CBLB: variants seen among roughly 807,000 people sequenced by gnomAD.
The protein encoded by CBLB is Cbl proto-oncogene B, also known as E3 ubiquitin-protein ligase CBL-B.
In CBLB, 31 loss-of-function variants were observed where a neutral mutation model predicts 104.9. The observed-to-expected ratio is 0.30, with a 90% CI of 0.22 to 0.40. CBLB has a LOEUF of 0.40. Ranked by LOEUF, CBLB falls within the 10% of genes least tolerant of loss-of-function variation. The pLI, the probability that CBLB is intolerant of heterozygous loss-of-function variation, is 1.00. For synonymous variants in CBLB, 440 were observed against 422.6 expected, an observed-to-expected ratio of 1.04 and a Z score of -0.51; for missense variants, 1,062 against 1,214.6, an observed-to-expected ratio of 0.87 and a Z score of 1.87.
At chr3:105,865,345 G>A (rs1025544263) in intron 2 of CBLB, among the ~76,000 whole-genome samples, 1 of 151,846 alleles carries the variant, frequency 6.6e-6, no homozygotes. Context: ...AAAGCCCCTG[G>A]GTACATTCAC....
chr3:105,711,486 G>A (rs1316738739), intron 10 of CBLB, among the ~76,000 whole-genome samples: 1 of 152,026 alleles, frequency 6.6e-6, no homozygotes, highest in East Asian at 1.9e-4. Flanking sequence ...GAGGGTATAT[G>A]CTACAAAAAT....
At chr3:105,729,461 C>G (rs1055242436) in intron 9 of CBLB, among the ~76,000 whole-genome samples, 8 of 152,064 alleles carry the variant, frequency 5.3e-5, no homozygotes, top group Non-Finnish European at 7.4e-5. Context: ...ATAACAAATT[C>G]TTCCTGTGCA....
chr3:105,815,112 T>C (rs940967355), intron 3 of CBLB, among the ~76,000 whole-genome samples: 1 of 152,170 alleles, frequency 6.6e-6, no homozygotes, highest in Non-Finnish European at 1.5e-5. Context: ...TTTATACATC[T>C]ATGAAAGCAC....
In CBLB at chr3:105,666,984, G is replaced by A. The variant is rs888105658; in HGVS notation, c.2689+3249C>T. 5.3e-5 allele frequency among the ~76,000 whole-genome samples: 8 copies of A among 152,232 alleles called. No homozygotes were observed. The South Asian group carries it at 8.3e-4, about 16-fold the overall frequency. On this transcript the variant is annotated intron_variant, in intron 18 of 18. Transcript: ENST00000394030. ...CAACCCTTGCGTGAAGTGAAGCCAC[G>A]ATTTCCAATTGAGATCTTAACAGAG...
At chr3:105,821,106 T>C (rs2085780234) in intron 3 of CBLB, among the ~76,000 whole-genome samples, 1 of 152,164 alleles carries the variant, frequency 6.6e-6, no homozygotes, top group Non-Finnish European at 1.5e-5. Flanking sequence ...ATTGTTTCTG[T>C]TTTACCAAAT....
At chr3:105,778,103 G>C (rs2079697497) in intron 3 of CBLB, among the ~76,000 whole-genome samples, 1 of 151,242 alleles carries the variant, frequency 6.6e-6, no homozygotes, top group Admixed American at 6.6e-5. Context: ...GTATATATGA[G>C]AGAGAGAGAG....
chr3:105,686,452 A>G (rs192459814), intron 13 of CBLB, among the ~76,000 whole-genome samples: 7 of 123,718 alleles, frequency 5.7e-5, no homozygotes, highest in African/African-American at 1.3e-4. Context: ...AAAAGGAAGG[A>G]AAAAAAAAAA....
In CBLB at chr3:105,720,040, G is replaced by A; in HGVS notation, c.1407+7C>T. ...CACCTTAACTAAACCCATGTTTCTAGTTTTACCTTTCGGACGTTTGCCAAC... is the reference window on the plus strand; with the variant it reads ...CACCTTAACTAAACCCATGTTTCTAATTTTACCTTTCGGACGTTTGCCAAC... On this transcript the variant is annotated splice_region_variant and intron_variant, in intron 10 of 18. Coordinates refer to ENST00000394030, the MANE Select transcript of CBLB (RefSeq NM_170662.5). 6.2e-7 allele frequency: 1 copy of A among 1,605,208 alleles called. No homozygotes were observed.
intron 3 of CBLB, among the ~76,000 whole-genome samples, chr3:105,800,869 C>T (rs539356197): frequency 2.6e-5 from 4 of 152,048 alleles, no homozygotes; most frequent in Admixed American, 2.0e-4. Flanking sequence ...CTACACAAAT[C>T]GAATTTAGAT....
At chr3:105,854,333 C>T (rs149888714) in intron 2 of CBLB, among the ~76,000 whole-genome samples, 60 of 152,282 alleles carry the variant, frequency 3.9e-4, no homozygotes, top group African/African-American at 1.3e-3. Context: ...TACCTTCTGC[C>T]GGCCAGAGAA....
intron 6 of CBLB, among the ~76,000 whole-genome samples, chr3:105,742,855 T>C (rs1488745955): frequency 1.3e-5 from 2 of 152,122 alleles, no homozygotes; most frequent in African/African-American, 2.4e-5. Flanking sequence ...CTGAAATACA[T>C]ACTTGTGAAA....
Position 105,655,900 on chromosome 3 carries a change from T to A in CBLB, c.*3070A>T, listed in dbSNP as rs1222333520. 5.3e-5 allele frequency: 12 copies of A among 224,842 alleles called. No homozygotes were observed. In the East Asian group the frequency reaches 7.7e-4, roughly 14 times the overall value. 13.9% of individuals were successfully genotyped at this position (224,842 alleles called of 1,614,324 possible). ...ACTGAAAAATTAAAAAATCACATTA[T>A]GAAGAAATCTTTGCAAGTGTTCTTG... On this transcript the variant is annotated 3_prime_UTR_variant, in exon 19 of 19. Coordinates refer to ENST00000394030, the MANE Select transcript of CBLB (RefSeq NM_170662.5).
chr3:105,810,860 G>A (rs1299565740), intron 3 of CBLB, among the ~76,000 whole-genome samples: 3 of 152,048 alleles, frequency 2.0e-5, no homozygotes, highest in Non-Finnish European at 2.9e-5. Flanking sequence ...GTTGCCTCCT[G>A]ATCAATTTTA....
chr3:105,787,572 A>C (rs1385154962), intron 3 of CBLB, among the ~76,000 whole-genome samples: 1 of 152,190 alleles, frequency 6.6e-6, no homozygotes, highest in East Asian at 1.9e-4. Flanking sequence ...GCTTTAAGCA[A>C]AAACTGTGAA....
chr3:105,675,780 G>C (rs549314790), intron 17 of CBLB, among the ~76,000 whole-genome samples: 63 of 151,714 alleles, frequency 4.2e-4, no homozygotes, highest in African/African-American at 1.3e-3. Context: ...AGCTACTTAG[G>C]GGGTAGAGGC....
chr3:105,752,550 TATAAG>T (rs1295883381), intron 4 of CBLB, among the ~76,000 whole-genome samples: 1 of 152,224 alleles, frequency 6.6e-6, no homozygotes. Context: ...CCGTCCCTCT[TATAAG>T]ATAACATCCT....
At chr3:105,665,832 C>G (rs2064384446) in intron 18 of CBLB, among the ~76,000 whole-genome samples, 1 of 151,460 alleles carries the variant, frequency 6.6e-6, no homozygotes, top group African/African-American at 2.4e-5. Flanking sequence ...AGTTTGAGAT[C>G]AGCCTGGCCA....
In CBLB at chr3:105,860,308, T is replaced by C. The variant is rs979882515; in HGVS notation, c.169-6644A>G. ...TACAAATAGCATATCCACAACTACA[T>C]TGAATAAAGCTGCCTAAAAATGAGT... On this transcript the variant is annotated intron_variant, in intron 2 of 18. Transcript: ENST00000394030. Among the ~76,000 whole-genome samples, 8 of 152,126 alleles carry C rather than the reference T, an allele frequency of 5.3e-5. No individual in the cohort carries two copies. In the East Asian group the frequency reaches 9.6e-4, roughly 18 times the overall value.
At chr3:105,749,790 T>A (rs185202578) in intron 5 of CBLB, 1 of 276,218 alleles carries the variant, frequency 3.6e-6, no homozygotes. Context: ...GAGGTTCCAT[T>A]ATAAAATGAC....
Sources: gnomAD v4.1 joint callset for allele counts (sites outside exome capture counted in the v4.1 genomes callset) on GRCh38, gnomAD v4.1.1 for gene constraint, MANE v1.5 for transcripts, NCBI Gene and HGNC (gene_info 2026-07-23, HGNC 2026-07-21) for gene names.